The following SGCZ variants were observed in gnomAD, a reference collection of about 807,000 sequenced individuals.
SGCZ encodes sarcoglycan zeta, also known as zeta-sarcoglycan.
In SGCZ, 40 loss-of-function variants were observed where a neutral mutation model predicts 41.3. That is an observed-to-expected ratio of 0.97 (90% confidence interval 0.75 to 1.26). The LOEUF (loss-of-function observed/expected upper bound fraction) is 1.26, where lower values mean the gene tolerates loss of function less well. Among genes scored for constraint, SGCZ ranks in the 50% most tolerant of loss-of-function variants. The probability of loss-of-function intolerance (pLI) is 0.00; values close to 1 mark genes in which losing one functional copy is unlikely to be tolerated. For synonymous variants in SGCZ, 206 were observed against 137.5 expected (o/e 1.50, Z -3.49); for missense variants, 552 against 369.8 (o/e 1.49, Z -4.04).
At chr8:14,462,542 C>A (rs1800931428) in intron 2 of SGCZ, among the ~76,000 whole-genome samples, 1 of 151,832 alleles carries the variant, frequency 6.6e-6, no homozygotes, top group African/African-American at 2.4e-5. Flanking sequence ...CTTTCTGTAC[C>A]AGTTTTTAAA....
intron 2 of SGCZ, among the ~76,000 whole-genome samples, chr8:14,550,395 G>C (rs1803766361): frequency 6.6e-6 from 1 of 150,402 alleles, no homozygotes; most frequent in Admixed American, 6.7e-5. Context: ...CATTAAATAA[G>C]CATATAAATA....
At chr8:14,358,364 C>T (rs909533272) in intron 2 of SGCZ, among the ~76,000 whole-genome samples, 1 of 152,030 alleles carries the variant, frequency 6.6e-6, no homozygotes, top group Non-Finnish European at 1.5e-5. Flanking sequence ...AGGATACAAC[C>T]TATGTCATCA....
chr8:15,176,867 G>A (rs1257898727), intron 1 of SGCZ, among the ~76,000 whole-genome samples: 4 of 152,168 alleles, frequency 2.6e-5, no homozygotes, highest in Non-Finnish European at 4.4e-5. Context: ...CAGGCGTGGT[G>A]GCAGGCGCCT....
chr8:14,799,703 A>C (rs1289912617), intron 1 of SGCZ, among the ~76,000 whole-genome samples: 1 of 151,518 alleles, frequency 6.6e-6, no homozygotes, highest in Non-Finnish European at 1.5e-5. Flanking sequence ...TTTTTTTTTA[A>C]ATTTAAAAAG....
At chr8:15,122,490 C>CA (rs1280196554) in intron 1 of SGCZ, among the ~76,000 whole-genome samples, 1 of 151,974 alleles carries the variant, frequency 6.6e-6, no homozygotes, top group Non-Finnish European at 1.5e-5. Flanking sequence ...TTTCCAGGTA[C>CA]AAAAATTTTT....
chr8:14,554,628 T>C (rs746152164), intron 2 of SGCZ, 104 bp downstream of exon 2: 38 of 950,284 alleles, frequency 4.0e-5, no homozygotes, highest in Non-Finnish European at 5.8e-5. Context: ...AACACACACT[T>C]GTAAATATTG....
At chr8:14,400,181 G>A (rs1241012228) in intron 2 of SGCZ, among the ~76,000 whole-genome samples, 1 of 150,060 alleles carries the variant, frequency 6.7e-6, no homozygotes, top group African/African-American at 2.5e-5. Flanking sequence ...CCATCTAATA[G>A]CGTGTATTGA....
At chr8:14,624,555 A>ATT (rs750064815) in intron 1 of SGCZ, among the ~76,000 whole-genome samples, 3 of 96,242 alleles carry the variant, frequency 3.1e-5, no homozygotes, top group East Asian at 7.7e-4. Flanking sequence ...TATTATTATT[A>ATT]TTTTTTTTTT....
intron 3 of SGCZ, among the ~76,000 whole-genome samples, chr8:14,314,672 G>T (rs1436955371): frequency 8.5e-5 from 13 of 152,078 alleles, no homozygotes; most frequent in Non-Finnish European, 7.4e-5. Context: ...TTTCATCAGT[G>T]GGTACATGGG....
intron 2 of SGCZ, among the ~76,000 whole-genome samples, chr8:14,353,938 T>C (rs1216774877): frequency 1.3e-5 from 2 of 152,086 alleles, no homozygotes; most frequent in African/African-American, 2.4e-5. Flanking sequence ...CTTACAGAAA[T>C]AATTTGGAGA....
intron 1 of SGCZ, among the ~76,000 whole-genome samples, chr8:14,740,878 T>C (rs927626822): frequency 6.6e-6 from 1 of 151,988 alleles, no homozygotes; most frequent in East Asian, 1.9e-4. Flanking sequence ...AAACATACAG[T>C]TGTTGGAGGT....
intron 3 of SGCZ, among the ~76,000 whole-genome samples, chr8:14,269,144 G>C (rs868834236): frequency 2.0e-5 from 3 of 151,954 alleles, no homozygotes; most frequent in Middle Eastern, 6.8e-3. Flanking sequence ...CATAAATTTG[G>C]GAATTAGTCT....
intron 2 of SGCZ, among the ~76,000 whole-genome samples, chr8:14,386,306 A>G (rs902886499): frequency 7.9e-5 from 12 of 152,074 alleles, no homozygotes; most frequent in African/African-American, 2.9e-4. Context: ...TCATGGTAAA[A>G]AAAAAAAAAA....
At chr8:14,354,953 A>G (rs1803241248) in intron 2 of SGCZ, among the ~76,000 whole-genome samples, 2 of 151,930 alleles carry the variant, frequency 1.3e-5, no homozygotes, top group African/African-American at 4.8e-5. Context: ...ATTGCTAAGC[A>G]GTTTTCTTAG....
chr8:14,813,933 A>G (rs1389078195), intron 1 of SGCZ, among the ~76,000 whole-genome samples: 1 of 152,032 alleles, frequency 6.6e-6, no homozygotes, highest in Non-Finnish European at 1.5e-5. Flanking sequence ...AGCCTGGGCA[A>G]CAGAGTGAGA....
intron 2 of SGCZ, among the ~76,000 whole-genome samples, chr8:14,400,656 T>C (rs1280411529): frequency 2.0e-5 from 3 of 152,172 alleles, no homozygotes; most frequent in Admixed American, 6.6e-5. Context: ...ACTTTGCATG[T>C]CTTAAATATT....
chr8:15,020,471 G>A (rs1803209050), intron 1 of SGCZ, among the ~76,000 whole-genome samples: 1 of 152,088 alleles, frequency 6.6e-6, no homozygotes, highest in Admixed American at 6.6e-5. Flanking sequence ...ATATATATGA[G>A]GAGATGTTCT....
intron 7 of SGCZ, among the ~76,000 whole-genome samples, chr8:14,097,266 G>T (rs1261392069): frequency 6.6e-6 from 1 of 152,074 alleles, no homozygotes; most frequent in African/African-American, 2.4e-5. Context: ...AGTGCTTTAT[G>T]TGTGTCCCAG....
intron 5 of SGCZ, among the ~76,000 whole-genome samples, chr8:14,126,324 G>A (rs570040228): frequency 2.0e-5 from 3 of 152,100 alleles, no homozygotes; most frequent in Non-Finnish European, 2.9e-5. Context: ...CAAAGGACAT[G>A]AACAGACACT....
Sources: gnomAD v4.1 joint callset for allele counts (sites outside exome capture counted in the v4.1 genomes callset) on GRCh38, gnomAD v4.1.1 for gene constraint, MANE v1.5 for transcripts, NCBI Gene and HGNC (gene_info 2026-07-23, HGNC 2026-07-21) for gene names.